Variants in OGDH observed in about 807,000 individuals in gnomAD.
The protein encoded by OGDH is 2-oxoglutarate dehydrogenase complex component E1.
OGDH carries 38 observed loss-of-function variants against 116.6 expected under a neutral mutation model. The observed-to-expected ratio is 0.33, with a 90% CI of 0.25 to 0.43. OGDH has a LOEUF of 0.43. Ranked by LOEUF, OGDH falls within the 20% of genes least tolerant of loss-of-function variation. The probability of loss-of-function intolerance (pLI) is 1.00; values close to 1 mark genes in which losing one functional copy is unlikely to be tolerated. For synonymous variants in OGDH, 488 were observed against 533.3 expected, an observed-to-expected ratio of 0.92 and a Z score of 1.17; for missense variants, 825 against 1,357.2, an observed-to-expected ratio of 0.61 and a Z score of 6.16.
chr7:44,697,228 C>G lies in OGDH; in HGVS notation c.2052-142C>G, dbSNP rs1163194021. ...TTGCTATGGGTGCTTCTGTTAAGAC[C>G]TGGGTGGGGCCGACCCTGCAGCTGC... is the stretch of plus-strand genomic sequence containing the variant. On this transcript the variant is annotated intron_variant, in intron 15 of 22. Transcript: ENST00000222673. The surrounding 1 kb of genome is among the most constrained non-coding windows in gnomAD (Gnocchi z 6.0). The G allele has an allele frequency of 6.9e-7, 1 of 1,449,108 alleles. No individual in the cohort carries two copies. The highest frequency in any genetic ancestry group is 1.4e-5 in the African/African-American group (1 of 71,360). 89.8% of individuals were successfully genotyped at this position (1,449,108 alleles called of 1,614,324 possible).
intron 4 of OGDH, among the ~76,000 whole-genome samples, chr7:44,652,047 C>T (rs1786471700): frequency 6.6e-6 from 1 of 151,788 alleles, no homozygotes. Flanking sequence ...AATTTTAGAA[C>T]AGTTTCTCAA....
intron 1 of OGDH, among the ~76,000 whole-genome samples, chr7:44,611,667 T>C (rs1784572159): frequency 1.3e-5 from 2 of 152,150 alleles, no homozygotes; most frequent in South Asian, 4.1e-4. Flanking sequence ...CACCTTGGCT[T>C]CCTGAAGTGC....
chr7:44,692,030 A>T (rs996731497), intron 10 of OGDH, among the ~76,000 whole-genome samples: 1 of 151,302 alleles, frequency 6.6e-6, no homozygotes, highest in African/African-American at 2.4e-5. Flanking sequence ...GGAAATGGTC[A>T]CAGTATGGTA....
At chr7:44,661,617 T>C (rs1786947698) in intron 4 of OGDH, among the ~76,000 whole-genome samples, 1 of 152,196 alleles carries the variant, frequency 6.6e-6, no homozygotes, top group Admixed American at 6.5e-5. Flanking sequence ...GGTTTTTTTT[T>C]GAGACGGAGT....
chr7:44,619,116 G>A (rs186225383), intron 1 of OGDH, among the ~76,000 whole-genome samples: 2 of 152,282 alleles, frequency 1.3e-5, no homozygotes, highest in East Asian at 3.9e-4. Flanking sequence ...GGAGGGTATG[G>A]AAGCCTCCTT....
In OGDH at chr7:44,699,787, C is replaced by T. The variant is rs181395769; in HGVS notation, c.2431-354C>T. Reference sequence around the variant, plus strand: ...AGGAAGCATGATGCTGGCATCTGCTCAGCTTCTGGGGAGGCCTCAGGAAGC... The same window carrying T: ...AGGAAGCATGATGCTGGCATCTGCTTAGCTTCTGGGGAGGCCTCAGGAAGC... On this transcript the variant is annotated intron_variant, in intron 18 of 22. Coordinates refer to ENST00000222673, the MANE Select transcript of OGDH (RefSeq NM_002541.4). Among the ~76,000 whole-genome samples the T allele has an allele frequency of 8.2e-3, 1,247 of 152,318 alleles. 11 individuals are homozygous for T. Among genetic ancestry groups the T allele is most frequent in the Non-Finnish European group, 0.014 (923 of 68,028 alleles).
At chr7:44,620,212 C>T (rs1049679364) in intron 1 of OGDH, among the ~76,000 whole-genome samples, 5 of 152,142 alleles carry the variant, frequency 3.3e-5, no homozygotes, top group African/African-American at 1.2e-4. Flanking sequence ...GTAGAAACGG[C>T]GTTTCGCCAT....
rs947000633 is a variant in OGDH at position 44,686,046 on chromosome 7, C to CT, written c.1335+4209dup. Among the ~76,000 whole-genome samples, 172 of 144,788 alleles carry CT rather than the reference C, an allele frequency of 1.2e-3. 2 individuals are homozygous for CT. Among genetic ancestry groups the CT allele is most frequent in the South Asian group, 5.1e-3 (23 of 4,550 alleles). The allele number at this position is 144,788 out of a possible 152,430, so 95.0% of individuals were successfully genotyped here. Reference sequence around the variant, plus strand: ...TTATTAGTTCTAATTTTCTTTCTTTCTTTTTTTTTTTGAGGATTCTTTCTG... The same window carrying CT: ...TTATTAGTTCTAATTTTCTTTCTTTCTTTTTTTTTTTTGAGGATTCTTTCTG... On this transcript the variant is annotated intron_variant, in intron 10 of 22. Transcript: ENST00000222673.
At chr7:44,667,462 G>A (rs533610797) in intron 5 of OGDH, among the ~76,000 whole-genome samples, 25 of 152,304 alleles carry the variant, frequency 1.6e-4, no homozygotes, top group Middle Eastern at 3.4e-3. Flanking sequence ...TGTCAGGGCT[G>A]CTGAGTGGTG....
chr7:44,667,545 GACTCTGTTAGT>G (rs1209128115), intron 5 of OGDH, among the ~76,000 whole-genome samples: 1 of 151,936 alleles, frequency 6.6e-6, no homozygotes. Flanking sequence ...CTTCTCTCTG[GACTCTGTTAGT>G]ACTAAGCCTG....
chr7:44,623,191 TC>T (rs1161586661), intron 1 of OGDH, among the ~76,000 whole-genome samples: 1 of 152,154 alleles, frequency 6.6e-6, no homozygotes, highest in Non-Finnish European at 1.5e-5. Flanking sequence ...TTCTGGCTCT[TC>T]CCGTCTCTGT....
At chr7:44,706,649 T>G (rs1789089480) in intron 20 of OGDH, among the ~76,000 whole-genome samples, 1 of 138,258 alleles carries the variant, frequency 7.2e-6, no homozygotes, top group African/African-American at 2.8e-5. Context: ...TGTCTGGAGA[T>G]GGAGTCTTGC....
At chr7:44,630,383 T>A (rs1225475299) in intron 2 of OGDH, among the ~76,000 whole-genome samples, 1 of 152,204 alleles carries the variant, frequency 6.6e-6, no homozygotes, top group African/African-American at 2.4e-5. Context: ...TATGTTCACG[T>A]GACAAGGAAC....
At chr7:44,631,228 A>G (rs1785426974) in intron 2 of OGDH, among the ~76,000 whole-genome samples, 1 of 152,236 alleles carries the variant, frequency 6.6e-6, no homozygotes, top group Non-Finnish European at 1.5e-5. Flanking sequence ...CTGACTGTAT[A>G]CATAAACTGC....
At position 44,694,466 on chromosome 7, in the gene OGDH, A is replaced by C; in HGVS notation, c.1558A>C (p.Met520Leu). 6.2e-7 allele frequency: 1 copy of C among 1,614,006 alleles called. No individual in the cohort carries two copies. Among genetic ancestry groups the C allele is most frequent in the Non-Finnish European group, 8.5e-7 (1 of 1,180,012 alleles). ...CGGCCACAACGAGATGGATGAGCCC[A>C]TGTTCACGCAGCCGCTCATGTACAA... is the stretch of plus-strand genomic sequence containing the variant. ...RNGHNEMDEP[M>L]FTQPLMYKQI... The change falls in exon 12 of 23, where the codon ATG becomes CTG. Residue 520 changes from methionine to leucine, a missense_variant. Met to Leu is a conservative substitution (Grantham distance 15). Transcript: ENST00000222673. The surrounding 1 kb of genome is among the most constrained non-coding windows in gnomAD (Gnocchi z 4.2).
At chr7:44,619,283 A>T (rs1349073452) in intron 1 of OGDH, among the ~76,000 whole-genome samples, 1 of 152,216 alleles carries the variant, frequency 6.6e-6, no homozygotes, top group Admixed American at 6.5e-5. Flanking sequence ...GGCCAGAAGT[A>T]CAAGTAAGAC....
intron 4 of OGDH, chr7:44,656,178 G>A (rs1786682479): frequency 1.1e-5 from 8 of 732,258 alleles, no homozygotes; most frequent in Admixed American, 4.8e-5. Context: ...TGATGTGTGT[G>A]TGTGTCCCTG....
chr7:44,630,746 A>G (rs1785403356), intron 2 of OGDH, among the ~76,000 whole-genome samples: 1 of 152,176 alleles, frequency 6.6e-6, no homozygotes, highest in Non-Finnish European at 1.5e-5. Context: ...TAGTTGTTAT[A>G]CTTCATTGTT....
At chr7:44,648,645 G>T (rs1310474739) in intron 4 of OGDH, among the ~76,000 whole-genome samples, 1 of 149,206 alleles carries the variant, frequency 6.7e-6, no homozygotes, top group African/African-American at 2.6e-5. Context: ...TTGGGGAATG[G>T]TACAGACAGT....
Sources: gnomAD v4.1 joint callset for allele counts (sites outside exome capture counted in the v4.1 genomes callset) on GRCh38, gnomAD v4.1.1 for gene constraint, Gnocchi (gnomAD v3.1) non-coding constraint, MANE v1.5 for transcripts, NCBI Gene and HGNC (gene_info 2026-07-23, HGNC 2026-07-21) for gene names.